PAX5: variants seen among roughly 807,000 people sequenced by gnomAD.
PAX5 encodes the protein paired box 5, also known as paired box protein Pax-5.
PAX5 carries 9 observed loss-of-function variants against 43.7 expected under a neutral mutation model. The ratio of observed to expected loss-of-function variants is 0.21; its 90% confidence interval spans 0.12 to 0.36. The LOEUF is 0.36. PAX5 is among the 10% of genes least tolerant of loss of function. PAX5 has a pLI of 1.00. For synonymous variants in PAX5, 228 were observed against 214.3 expected, an observed-to-expected ratio of 1.06 and a Z score of -0.56; for missense variants, 383 against 532.7, an observed-to-expected ratio of 0.72 and a Z score of 2.77.
At position 36,835,188 on chromosome 9, in the gene PAX5, C is replaced by T. The variant is rs928507688; in HGVS notation, c.*5372G>A. ...TTCTGGGCTTTCTGAATGGTGGCTA[C>T]GTTTACCCATCTTGGAGATGAGCTA... On this transcript the variant is annotated 3_prime_UTR_variant, in exon 10 of 10. Coordinates refer to ENST00000358127, the MANE Select transcript of PAX5 (RefSeq NM_016734.3). 11 of 233,146 alleles carry T rather than the reference C, an allele frequency of 4.7e-5. No individual in the cohort carries two copies. Among genetic ancestry groups the T allele is most frequent in the South Asian group, 1.8e-4 (1 of 5,526 alleles). The allele number at this position is 233,146 out of a possible 1,614,324, so 14.4% of individuals were successfully genotyped here.
At chr9:36,889,529 G>T (rs964348566) in intron 7 of PAX5, among the ~76,000 whole-genome samples, 7 of 152,146 alleles carry the variant, frequency 4.6e-5, no homozygotes, top group African/African-American at 1.7e-4. Flanking sequence ...AGCGAGATTA[G>T]GCACCTGCCC....
chr9:37,020,566 G>C (rs2132502332), intron 2 of PAX5, 70 bp downstream of exon 2: 2 of 1,462,790 alleles, frequency 1.4e-6, no homozygotes, highest in Non-Finnish European at 1.9e-6. Context: ...TGTCATATTG[G>C]ACAGCTGCTG....
At chr9:36,868,672 C>A (rs1051608491) in intron 8 of PAX5, among the ~76,000 whole-genome samples, 1 of 152,090 alleles carries the variant, frequency 6.6e-6, no homozygotes, top group African/African-American at 2.4e-5. Context: ...TGAGGGAGCA[C>A]CTTCCCTGGC....
chr9:36,929,251 AAGGAAGGAAGG>A (rs1830924722), intron 6 of PAX5, among the ~76,000 whole-genome samples: 1 of 35,928 alleles, frequency 2.8e-5, no homozygotes. Flanking sequence ...GGAAGGAAGG[AAGGAAGGAAGG>A]AAGGAAGGAA....
chr9:37,020,128 T>A lies in PAX5; in HGVS notation c.212+508A>T, dbSNP rs182418565. Among the ~76,000 whole-genome samples, 6 of 151,116 alleles carry A rather than the reference T, an allele frequency of 4.0e-5. No homozygotes were observed. The East Asian group carries it at 9.7e-4, about 24-fold the overall frequency. ...TTTTTTTTCCTCTTCTCTAATTTAA[T>A]ATATACTTTGGATGCTTGTCACTGC... On this transcript the variant is annotated intron_variant, in intron 2 of 9. Transcript: ENST00000358127.
chr9:36,882,159 C>G lies in PAX5; in HGVS notation c.911-54G>C. 7.1e-7 allele frequency: 1 copy of G among 1,406,668 alleles called. No individual in the cohort carries two copies. The highest frequency in any genetic ancestry group is 2.4e-5 in the East Asian group (1 of 42,550). 87.1% of individuals were successfully genotyped at this position (1,406,668 alleles called of 1,614,324 possible). ...GTGAGCATCTTCGCGGCCAGCCGCT[C>G]ATGTCCACAGCTCCCTGGACGCTTC... On this transcript the variant is annotated intron_variant, in intron 7 of 9. Coordinates refer to ENST00000358127, the MANE Select transcript of PAX5 (RefSeq NM_016734.3). This position sits in a 1 kb window ranked among gnomAD's most constrained non-coding sequence, Gnocchi z 4.4.
intron 1 of PAX5, among the ~76,000 whole-genome samples, chr9:37,022,386 G>A (rs1172154507): frequency 3.9e-5 from 6 of 152,350 alleles, no homozygotes; most frequent in African/African-American, 7.2e-5. Context: ...CCTTCAGAAG[G>A]CTTTGTTCTG....
At chr9:36,859,515 G>T (rs1245757166) in intron 8 of PAX5, among the ~76,000 whole-genome samples, 1 of 152,064 alleles carries the variant, frequency 6.6e-6, no homozygotes, top group Non-Finnish European at 1.5e-5. Context: ...CTCCTTCAGC[G>T]TCTGCACCCG....
At chr9:36,903,212 G>A (rs910461991) in intron 7 of PAX5, among the ~76,000 whole-genome samples, 2 of 152,198 alleles carry the variant, frequency 1.3e-5, no homozygotes, top group Non-Finnish European at 2.9e-5. Flanking sequence ...CCCAGACCAA[G>A]GAAGGAGGAA....
chr9:36,854,060 G>A (rs151268381), intron 8 of PAX5, among the ~76,000 whole-genome samples: 2 of 152,356 alleles, frequency 1.3e-5, no homozygotes, highest in East Asian at 1.9e-4. Context: ...AAGTGACTTC[G>A]CAGCCAAGTT....
chr9:36,861,818 G>A (rs919285698), intron 8 of PAX5, among the ~76,000 whole-genome samples: 1 of 152,026 alleles, frequency 6.6e-6, no homozygotes, highest in Non-Finnish European at 1.5e-5. Context: ...TGCACAGGAG[G>A]GACGTGTCCT....
intron 8 of PAX5, among the ~76,000 whole-genome samples, chr9:36,873,981 C>T (rs1204550662): frequency 1.3e-5 from 2 of 152,184 alleles, no homozygotes; most frequent in African/African-American, 4.8e-5. Context: ...TGAGCTGGGC[C>T]AGGATGCTGC....
chr9:36,881,948 C>G, intron 8 of PAX5, 56 bp downstream of exon 8: 1 of 1,322,934 alleles, frequency 7.6e-7, no homozygotes, highest in Non-Finnish European at 1.1e-6. Context: ...GGGGATGTCC[C>G]CCCACCGAAA....
In PAX5 at chr9:36,967,530, T is replaced by C. The variant is rs967858991; in HGVS notation, c.605-806A>G. On this transcript the variant is annotated intron_variant, in intron 5 of 9. Coordinates refer to ENST00000358127, the MANE Select transcript of PAX5 (RefSeq NM_016734.3). Reference sequence around the variant, plus strand: ...TGAAAAGGAATGAGGCTTCCTTCTGTGAATTGATATGAAAAGATCTTCAAG... The same window carrying C: ...TGAAAAGGAATGAGGCTTCCTTCTGCGAATTGATATGAAAAGATCTTCAAG... 2.6e-5 allele frequency among the ~76,000 whole-genome samples: 4 copies of C among 152,158 alleles called. No individual in the cohort carries two copies. The South Asian group carries it at 6.2e-4, about 24-fold the overall frequency.
rs116202334 is a variant in PAX5 at position 37,018,048 on chromosome 9, C to T, written c.212+2588G>A. Among the ~76,000 whole-genome samples, 269 of 152,304 alleles carry T rather than the reference C, an allele frequency of 1.8e-3. 3 individuals are homozygous for T. The highest frequency in any genetic ancestry group is 5.9e-3 in the African/African-American group (245 of 41,558). On this transcript the variant is annotated intron_variant, in intron 2 of 9. Coordinates refer to ENST00000358127, the MANE Select transcript of PAX5 (RefSeq NM_016734.3). ...TGTAGGTGGCTCTGATGCTAACTCT[C>T]TGTGTGATCTTGGCCAACTCACTTA...
intron 8 of PAX5, among the ~76,000 whole-genome samples, chr9:36,862,395 T>C (rs1170615482): frequency 6.6e-6 from 1 of 152,150 alleles, no homozygotes; most frequent in Non-Finnish European, 1.5e-5. Context: ...GGCCTTCCTA[T>C]TTCAGAAGTC....
chr9:36,891,508 G>A, intron 7 of PAX5, among the ~76,000 whole-genome samples: 3 of 152,324 alleles, frequency 2.0e-5, no homozygotes, highest in Admixed American at 2.0e-4. Flanking sequence ...CCTTTGTCCA[G>A]ACCTGCCACT....
At chr9:37,003,109 G>A (rs1838060215) in intron 4 of PAX5, among the ~76,000 whole-genome samples, 1 of 146,854 alleles carries the variant, frequency 6.8e-6, no homozygotes. Flanking sequence ...AGCAGGGGAT[G>A]GAGAGGAGAA....
intron 5 of PAX5, among the ~76,000 whole-genome samples, chr9:37,000,534 C>G (rs1837755872): frequency 6.6e-6 from 1 of 152,212 alleles, no homozygotes; most frequent in African/African-American, 2.4e-5. Flanking sequence ...AGGCACATCA[C>G]TTGAAGTCAG....
Sources: allele counts gnomAD v4.1 joint callset (sites outside exome capture counted in the v4.1 genomes callset), GRCh38; gene constraint gnomAD v4.1.1; non-coding constraint Gnocchi (gnomAD v3.1); transcripts MANE v1.5; gene names NCBI Gene and HGNC (gene_info 2026-07-23, HGNC 2026-07-21).